Variants in PEX13 observed in about 807,000 individuals in gnomAD.
PEX13 encodes the protein peroxisomal biogenesis factor 13, also known as peroxisome biogenesis factor 13.
Under a neutral mutation model 34.5 loss-of-function variants are expected in PEX13, and 28 were observed. The observed-to-expected ratio is 0.81, with a 90% CI of 0.60 to 1.11. PEX13 has a LOEUF of 1.11. Ranked by LOEUF, PEX13 falls within the 50% of genes most tolerant of loss-of-function variation. PEX13 has a pLI of 0.00. For missense variants in PEX13, 550 were observed against 491.0 expected (o/e 1.12, Z -1.13); for synonymous variants, 177 against 175.1 (o/e 1.01, Z -0.09).
Position 61,045,813 on chromosome 2 carries a change from C to A in PEX13, c.875C>A (p.Ser292Tyr). 2.5e-6 allele frequency: 4 copies of A among 1,613,226 alleles called. No individual in the cohort carries two copies. The highest frequency in any genetic ancestry group is 3.4e-6 in the Non-Finnish European group (4 of 1,179,248). ...DFAAVSEEEI[S>Y]FRAGDMLNLA... ...GCTGCCGTATCTGAAGAAGAAATTT[C>A]TTTCCGGGCTGGTGATATGCTGAAC... The change falls in exon 3 of 4, where the codon TCT becomes TAT. Residue 292 changes from serine (S) to tyrosine (Y), a missense_variant. Physicochemically the swap from Ser to Tyr is moderately radical, Grantham distance 144. Coordinates refer to ENST00000295030, the MANE Select transcript of PEX13 (RefSeq NM_002618.4).
intron 2 of PEX13, among the ~76,000 whole-genome samples, chr2:61,034,658 C>A (rs1488842561): frequency 6.6e-6 from 1 of 152,256 alleles, no homozygotes; most frequent in Admixed American, 6.5e-5. Flanking sequence ...AGATTCCCTC[C>A]TGTGCCTGGC....
intron 1 of PEX13, among the ~76,000 whole-genome samples, chr2:61,022,165 G>GACAGAGAATGACTTTGACGAGTTGACA (rs1192120381): frequency 2.6e-5 from 4 of 152,210 alleles, no homozygotes; most frequent in Non-Finnish European, 5.9e-5. Flanking sequence ...AACAAAGCTG[G>GACAGAGAATGACTTTGACGAGTTGACA]ACAGAGAATG....
At chr2:61,026,232 G>T (rs1366273765) in intron 1 of PEX13, among the ~76,000 whole-genome samples, 1 of 151,832 alleles carries the variant, frequency 6.6e-6, no homozygotes, top group Non-Finnish European at 1.5e-5. Flanking sequence ...ACTTAAAATA[G>T]AATTCCCAAG....
chr2:61,032,040 G>A lies in PEX13; in HGVS notation c.714G>A (p.Leu238=), dbSNP rs1221275951. The change falls in exon 2 of 4, where the codon TTG becomes TTA. Residue 238 remains leucine (L), a synonymous_variant. Coordinates refer to ENST00000295030, the MANE Select transcript of PEX13 (RefSeq NM_002618.4). ...CAGCAAAATCTTGGCCAATATTCTT[G>A]TTCTTTGCTGTTATCCTTGGTGGTC... ...ATSAKSWPIF[L]FFAVILGGPY... is the part of the protein sequence containing the mutation. The A allele has an allele frequency of 7.4e-6, 12 of 1,613,770 alleles. No homozygotes were observed. The highest frequency in any genetic ancestry group is 3.3e-5 in the Admixed American group (2 of 59,952).
intron 1 of PEX13, chr2:61,018,433 T>G: frequency 2.0e-6 from 2 of 1,006,210 alleles, no homozygotes; most frequent in Admixed American, 6.1e-5. Flanking sequence ...ATGGATGGAC[T>G]TTGTGTGCAA....
intron 1 of PEX13, among the ~76,000 whole-genome samples, chr2:61,028,625 G>A (rs1325085434): frequency 6.6e-6 from 1 of 151,176 alleles, no homozygotes; most frequent in Non-Finnish European, 1.5e-5. Flanking sequence ...AACCTGAGGG[G>A]ACCCGCCTGC....
rs899092492 is a variant in PEX13, at chr2:61,018,107, C to A, written c.92+256C>A. ...CTGGGCGTCTCTCTGGGTCTCTGTGCTTGAAAGAAAGGGGGGCGGCTTCCT... is the reference window on the plus strand; with the variant it reads ...CTGGGCGTCTCTCTGGGTCTCTGTGATTGAAAGAAAGGGGGGCGGCTTCCT... On this transcript the variant is annotated intron_variant, in intron 1 of 3. Coordinates refer to ENST00000295030, the MANE Select transcript of PEX13 (RefSeq NM_002618.4). 7.1e-6 allele frequency: 11 copies of A among 1,545,646 alleles called. No individual in the cohort carries two copies. In the African/African-American group the frequency reaches 8.2e-5, roughly 12 times the overall value.
At chr2:61,024,190 C>T (rs576525210) in intron 1 of PEX13, among the ~76,000 whole-genome samples, 59 of 152,292 alleles carry the variant, frequency 3.9e-4, no homozygotes, top group Admixed American at 1.3e-3. Flanking sequence ...TAGTTTTCAG[C>T]AGTTTGCTTT....
At chr2:61,044,637 C>T (rs1172559275) in intron 2 of PEX13, among the ~76,000 whole-genome samples, 12 of 152,120 alleles carry the variant, frequency 7.9e-5, no homozygotes, top group Admixed American at 7.2e-4. Flanking sequence ...CCACCCGCCT[C>T]GGCCTCCCAA....
chr2:61,026,277 A>T (rs775298359), intron 1 of PEX13, among the ~76,000 whole-genome samples: 13 of 151,640 alleles, frequency 8.6e-5, no homozygotes, highest in Non-Finnish European at 1.6e-4. Context: ...AGTGTACAGC[A>T]GCTAATTTTC....
chr2:61,026,062 G>A (rs1488589952), intron 1 of PEX13, among the ~76,000 whole-genome samples: 2 of 151,822 alleles, frequency 1.3e-5, no homozygotes, highest in African/African-American at 2.4e-5. Context: ...CTAGAGAAAC[G>A]CCTGAAAAGA....
intron 1 of PEX13, among the ~76,000 whole-genome samples, chr2:61,025,931 C>T (rs543739732): frequency 3.5e-4 from 53 of 152,226 alleles, no homozygotes; most frequent in South Asian, 1.2e-3. Flanking sequence ...TGAGGGTTCC[C>T]TATGGCTTTC....
chr2:61,049,947 G>T lies in PEX13; in HGVS notation c.*1177G>T, dbSNP rs1310896211. 6.6e-6 allele frequency: 1 copy of T among 152,126 alleles called. No homozygotes were observed. Among genetic ancestry groups the T allele is most frequent in the Non-Finnish European group, 1.5e-5 (1 of 67,994 alleles). 9.4% of individuals were successfully genotyped at this position (152,126 alleles called of 1,614,324 possible). ...GTAATTTTTAATATTTTCATAGATT[G>T]TTTGCTTCTACCTTGTGTAATTTTT... On this transcript the variant is annotated 3_prime_UTR_variant, in exon 4 of 4. Coordinates refer to ENST00000295030, the MANE Select transcript of PEX13 (RefSeq NM_002618.4).
At chr2:61,017,945 T>C (rs2104788676) in intron 1 of PEX13, 94 bp downstream of exon 1, 1 of 1,389,660 alleles carries the variant, frequency 7.2e-7, no homozygotes, top group Non-Finnish European at 9.9e-7. Context: ...AGGTATTCCC[T>C]TCCCCCCTTT....
chr2:61,019,316 A>G (rs887188541), intron 1 of PEX13, among the ~76,000 whole-genome samples: 1 of 151,942 alleles, frequency 6.6e-6, no homozygotes, highest in African/African-American at 2.4e-5. Context: ...ACCAATTTGT[A>G]AGAGTATTGT....
In PEX13 at chr2:61,017,752, C is replaced by T. The variant is rs779197248; in HGVS notation, c.-8C>T. 29 of 1,548,250 alleles carry T rather than the reference C, an allele frequency of 1.9e-5. No homozygotes were observed. The highest frequency in any genetic ancestry group is 2.3e-5 in the Non-Finnish European group (26 of 1,146,046). On this transcript the variant is annotated 5_prime_UTR_variant, in exon 1 of 4. Coordinates refer to ENST00000295030, the MANE Select transcript of PEX13 (RefSeq NM_002618.4). ...GGTAGGAGCGGGAGCCGAGAGGAGG[C>T]GGAGGAGATGGCGTCCCAGCCGCCA...
chr2:61,040,419 A>T (rs1387687224), intron 2 of PEX13, among the ~76,000 whole-genome samples: 1 of 152,176 alleles, frequency 6.6e-6, no homozygotes, highest in African/African-American at 2.4e-5. Flanking sequence ...AAAAAAGATG[A>T]GTTCATGTCC....
chr2:61,018,064 C>G (rs1020818728), intron 1 of PEX13: 1 of 1,497,388 alleles, frequency 6.7e-7, no homozygotes, highest in South Asian at 1.3e-5. Flanking sequence ...TAATCAGCAA[C>G]GTTTTTTTCG....
chr2:61,027,692 A>G (rs1680382970), intron 1 of PEX13, among the ~76,000 whole-genome samples: 1 of 152,008 alleles, frequency 6.6e-6, no homozygotes, highest in South Asian at 2.1e-4. Flanking sequence ...AGCCCTCCTT[A>G]CCATTTTACA....
Sources: gnomAD v4.1 joint callset for allele counts (sites outside exome capture counted in the v4.1 genomes callset) on GRCh38, gnomAD v4.1.1 for gene constraint, MANE v1.5 for transcripts, NCBI Gene and HGNC (gene_info 2026-07-23, HGNC 2026-07-21) for gene names.